Variants in CPEB4 observed in about 807,000 individuals in gnomAD.
The protein encoded by CPEB4 is cytoplasmic polyadenylation element binding protein 4, also known as cytoplasmic polyadenylation element-binding protein 4.
A neutral mutation model predicts 72.5 loss-of-function variants in CPEB4; 12 were observed. The observed-to-expected ratio is 0.17, with a 90% CI of 0.11 to 0.27. The LOEUF is 0.27. Among genes scored for constraint, CPEB4 ranks in the 10% least tolerant of loss-of-function variants. The probability of loss-of-function intolerance (pLI) is 1.00; values close to 1 mark genes in which losing one functional copy is unlikely to be tolerated. For synonymous variants in CPEB4, 302 were observed against 326.3 expected, an observed-to-expected ratio of 0.93 and a Z score of 0.80; for missense variants, 614 against 908.5, an observed-to-expected ratio of 0.68 and a Z score of 4.17.
rs373438018 is a variant in CPEB4, at chr5:173,890,357, A to G, written c.624A>G (p.Gln208=). The G allele has an allele frequency of 1.1e-5, 17 of 1,614,134 alleles. No homozygotes were observed. Among genetic ancestry groups the G allele is most frequent in the South Asian group, 5.5e-5 (5 of 91,080 alleles). The part of the protein sequence containing the change: ...ASANNGALLF[Q]NFPHHVSPGF... ...CTAATAACGGTGCTCTGTTGTTTCAAAATTTCCCCCATCATGTCAGCCCTG... is the reference window on the plus strand; with the variant it reads ...CTAATAACGGTGCTCTGTTGTTTCAGAATTTCCCCCATCATGTCAGCCCTG... The change falls in exon 1 of 10, where the codon CAA becomes CAG. Residue 208 remains glutamine (Q), a synonymous_variant. Transcript: ENST00000265085.
chr5:173,890,566 T>G lies in CPEB4; in HGVS notation c.833T>G (p.Leu278Arg), dbSNP rs1755773136. 1 of 1,613,956 alleles carries G rather than the reference T, an allele frequency of 6.2e-7. No homozygotes were observed. Residue 278 changes from leucine (L) to arginine (R), a missense_variant, in exon 1 of 10, where the codon CTT becomes CGT. Coordinates refer to ENST00000265085, the MANE Select transcript of CPEB4 (RefSeq NM_030627.4). The stretch of plus-strand genomic sequence containing the variant: ...CAGCTGCCTCATTTGGCGAATAATC[T>G]TAACAAACCCCCCTCTCCGTGGAGC... Reference protein sequence around the residue: ...FNQLPHLANNLNKPPSPWSSY... With the variant: ...FNQLPHLANNRNKPPSPWSSY...
intron 3 of CPEB4, among the ~76,000 whole-genome samples, chr5:173,940,695 A>C (rs572126013): frequency 6.6e-6 from 1 of 152,258 alleles, no homozygotes; most frequent in Non-Finnish European, 1.5e-5. Flanking sequence ...GTATTACAAT[A>C]AGTGGAAATA....
At chr5:173,920,082 C>G (rs983240509) in intron 2 of CPEB4, among the ~76,000 whole-genome samples, 2 of 152,214 alleles carry the variant, frequency 1.3e-5, no homozygotes, top group Non-Finnish European at 2.9e-5. Context: ...GTCAGGCTGC[C>G]TCTGGGCTTC....
chr5:173,917,092 A>T (rs1756895209), intron 2 of CPEB4, among the ~76,000 whole-genome samples: 1 of 152,208 alleles, frequency 6.6e-6, no homozygotes, highest in South Asian at 2.1e-4. Flanking sequence ...TGCAGGCTGA[A>T]ATAGCTCTGG....
chr5:173,925,429 G>C (rs1757210575), intron 2 of CPEB4, among the ~76,000 whole-genome samples: 1 of 152,160 alleles, frequency 6.6e-6, no homozygotes. Flanking sequence ...TTGTAGCACA[G>C]ATAGATAAGG....
At chr5:173,902,597 T>C (rs1756275664) in intron 1 of CPEB4, among the ~76,000 whole-genome samples, 1 of 152,146 alleles carries the variant, frequency 6.6e-6, no homozygotes, top group South Asian at 2.1e-4. Flanking sequence ...CACCCCAGCA[T>C]CCAAGACAAA....
intron 1 of CPEB4, among the ~76,000 whole-genome samples, chr5:173,907,676 C>T (rs915172535): frequency 2.0e-5 from 3 of 152,178 alleles, no homozygotes; most frequent in African/African-American, 7.2e-5. Flanking sequence ...CAAACATTTG[C>T]ATGCTTTCTA....
chr5:173,892,026 G>A (rs1755831404), intron 1 of CPEB4, among the ~76,000 whole-genome samples: 2 of 151,580 alleles, frequency 1.3e-5, no homozygotes, highest in Admixed American at 6.6e-5. Context: ...ATGTGTGCAC[G>A]TACACATGTG....
At chr5:173,931,396 T>G (rs1757442255) in intron 2 of CPEB4, among the ~76,000 whole-genome samples, 1 of 152,194 alleles carries the variant, frequency 6.6e-6, no homozygotes, top group African/African-American at 2.4e-5. Flanking sequence ...TGCTGTTTCC[T>G]AAAGGAATGT....
chr5:173,921,204 TTC>T (rs1350126317), intron 2 of CPEB4, among the ~76,000 whole-genome samples: 1 of 152,176 alleles, frequency 6.6e-6, no homozygotes, highest in African/African-American at 2.4e-5. Context: ...TTTGTTTTTG[TTC>T]TGTTTTACTT....
chr5:173,891,654 T>C (rs1195225567), intron 1 of CPEB4: 1 of 152,196 alleles, frequency 6.6e-6, no homozygotes, highest in Non-Finnish European at 1.5e-5. Context: ...GCTACCAGAA[T>C]ATCTTTATTC....
intron 1 of CPEB4, among the ~76,000 whole-genome samples, chr5:173,903,252 G>C (rs1257694152): frequency 6.6e-6 from 1 of 152,150 alleles, no homozygotes; most frequent in Non-Finnish European, 1.5e-5. Flanking sequence ...CTTTCCAAAG[G>C]TATGGACCTT....
intron 2 of CPEB4, among the ~76,000 whole-genome samples, chr5:173,930,056 G>GTTT (rs748066839): frequency 1.4e-5 from 2 of 141,710 alleles, no homozygotes; most frequent in African/African-American, 2.6e-5. Context: ...CACCTCCCAA[G>GTTT]TTTTTTTTTT....
In CPEB4 at chr5:173,953,278, C is replaced by A. The variant is rs751831682; in HGVS notation, c.1962+6C>A. 1.3e-6 allele frequency: 2 copies of A among 1,507,634 alleles called. No individual in the cohort carries two copies. The highest frequency in any genetic ancestry group is 2.1e-5 in the Admixed American group (1 of 47,594). 93.4% of individuals were successfully genotyped at this position (1,507,634 alleles called of 1,614,324 possible). A position where few individuals can be genotyped will look rare whatever the true frequency, so the allele number is the denominator to read the frequency against. ...ATGGAGAGATAGATAAACGGGTAAGCCTTATACTACATTTTGGAAAATTCT... is the reference window on the plus strand; with the variant it reads ...ATGGAGAGATAGATAAACGGGTAAGACTTATACTACATTTTGGAAAATTCT... On this transcript the variant is annotated splice_donor_region_variant and intron_variant, in intron 9 of 9. Transcript: ENST00000265085.
intron 3 of CPEB4, among the ~76,000 whole-genome samples, chr5:173,942,642 A>G (rs1028448300): frequency 1.1e-4 from 16 of 152,346 alleles, no homozygotes; most frequent in Admixed American, 9.8e-4. Context: ...AAATATTGGT[A>G]TATCTACTAA....
chr5:173,930,230 G>C (rs1208200807), intron 2 of CPEB4, among the ~76,000 whole-genome samples: 3 of 152,078 alleles, frequency 2.0e-5, no homozygotes, highest in Admixed American at 6.6e-5. Flanking sequence ...GCTAATTTTT[G>C]TATTTTGTAG....
Position 173,890,686 on chromosome 5 carries a change from G to T in CPEB4, c.953G>T (p.Arg318Leu), listed in dbSNP as rs1755780855. ...GGAGGTTCCCAAGGCCGAGATCACC[G>T]CAGAGGGCTGAATGGTGGAATAACG... Reference protein sequence around the residue: ...GWGGSQGRDHRRGLNGGITPL... With the variant: ...GWGGSQGRDHLRGLNGGITPL... Residue 318 changes from arginine (R) to leucine (L), a missense_variant, in exon 1 of 10, where the codon CGC (arginine) becomes CTC (leucine). Arg to Leu is a moderately radical substitution (Grantham distance 102). Coordinates refer to ENST00000265085, the MANE Select transcript of CPEB4 (RefSeq NM_030627.4). 1 of 1,614,112 alleles carries T rather than the reference G, an allele frequency of 6.2e-7. No homozygotes were observed. The highest frequency in any genetic ancestry group is 1.7e-5 in the Admixed American group (1 of 60,028).
intron 6 of CPEB4, 101 bp downstream of exon 6, chr5:173,949,698 T>C: frequency 1.2e-6 from 1 of 828,594 alleles, no homozygotes; most frequent in South Asian, 1.7e-5. Context: ...TGTTGCATTG[T>C]TAAACTTGCA....
At position 173,928,956 on chromosome 5, in the gene CPEB4, G is replaced by A. The variant is rs372978232; in HGVS notation, c.1208-3494G>A. ...TGTTAAAATTTAAGTAGAAAGAATA[G>A]CTGATTGTTTAACAGAATGTCACAG... is the stretch of plus-strand genomic sequence containing the variant. On this transcript the variant is annotated intron_variant, in intron 2 of 9. Transcript: ENST00000265085. Among the ~76,000 whole-genome samples, 21 of 152,222 alleles carry A rather than the reference G, an allele frequency of 1.4e-4. 1 individual carries two copies. The highest frequency in any genetic ancestry group is 1.0e-3 in the Admixed American group (16 of 15,286).
Sources: allele counts gnomAD v4.1 joint callset (sites outside exome capture counted in the v4.1 genomes callset), GRCh38; gene constraint gnomAD v4.1.1; transcripts MANE v1.5; gene names NCBI Gene and HGNC (gene_info 2026-07-23, HGNC 2026-07-21).